The following INTS4 variants were observed in gnomAD, a reference collection of about 807,000 sequenced individuals.
The protein encoded by INTS4 is MSTP093.
Under a neutral mutation model 119.5 loss-of-function variants are expected in INTS4, and 70 were observed. That is an observed-to-expected ratio of 0.59 (90% CI 0.48 to 0.71). The LOEUF (loss-of-function observed/expected upper bound fraction) is 0.71. Ranked by LOEUF, INTS4 falls within the 30% of genes least tolerant of loss-of-function variation. INTS4 has a pLI of 0.00. For synonymous variants in INTS4, 316 were observed against 419.6 expected (o/e 0.75, Z 3.02); for missense variants, 867 against 1,173.2 (o/e 0.74, Z 3.81).
chr11:77,980,931 T>C (rs1856183658), intron 3 of INTS4, among the ~76,000 whole-genome samples: 1 of 151,784 alleles, frequency 6.6e-6, no homozygotes, highest in Admixed American at 6.6e-5. Flanking sequence ...AGGCAGAGCT[T>C]GCAGTGAGCC....
intron 2 of INTS4, among the ~76,000 whole-genome samples, chr11:77,982,814 T>C (rs1295865511): frequency 6.6e-6 from 1 of 152,208 alleles, no homozygotes; most frequent in African/African-American, 2.4e-5. Flanking sequence ...GCTCAAAGGA[T>C]AAGGTGCTTT....
At chr11:77,918,659 C>T (rs1624540) in intron 15 of INTS4, among the ~76,000 whole-genome samples, 162 bp downstream of exon 15, 58,446 of 151,460 alleles carry the variant, frequency 0.39, 11,379 homozygotes, top group African/African-American at 0.43. Context: ...AAAATATGTT[C>T]AAACCACAAT....
chr11:77,966,652 T>C lies in INTS4; in HGVS notation c.472-5514A>G, dbSNP rs546029304. Among the ~76,000 whole-genome samples the C allele has an allele frequency of 7.9e-5, 12 of 152,320 alleles. No homozygotes were observed. The East Asian group carries it at 1.7e-3, about 22-fold the overall frequency. On this transcript the variant is annotated intron_variant, in intron 4 of 22. Coordinates refer to ENST00000534064, the MANE Select transcript of INTS4 (RefSeq NM_033547.4). ...TTTCTATCCTGTTCCTTTAGTACTG[T>C]TTTTATGCCAGTACCATGTTGTTTT...
Position 77,918,873 on chromosome 11 carries a change from G to C in INTS4, c.1870C>G (p.Leu624Val). ...LQQSLERVYSLQHLDPQGAQE... is the reference protein window; with the variant it reads ...LQQSLERVYSVQHLDPQGAQE... ...GCTCCCTGAGGGTCCAAGTGCTGAAGACTATACACTCTTTCAAGGCTCTGC... is the reference window on the plus strand; with the variant it reads ...GCTCCCTGAGGGTCCAAGTGCTGAACACTATACACTCTTTCAAGGCTCTGC... The change falls in exon 15 of 23, where the codon CTT becomes GTT. Residue 624 changes from leucine (L) to valine (V), a missense_variant. This residue lies in a region of INTS4 where 262 missense variants were observed against 376.0 expected (regional missense o/e 0.70). Coordinates refer to ENST00000534064, the MANE Select transcript of INTS4 (RefSeq NM_033547.4). The C allele has an allele frequency of 6.2e-7, 1 of 1,613,908 alleles. No individual in the cohort carries two copies. The highest frequency in any genetic ancestry group is 8.5e-7 in the Non-Finnish European group (1 of 1,179,864).
At chr11:77,972,395 G>A (rs1158885180) in intron 4 of INTS4, among the ~76,000 whole-genome samples, 1 of 148,784 alleles carries the variant, frequency 6.7e-6, no homozygotes, top group Non-Finnish European at 1.5e-5. Context: ...CACCACACCC[G>A]GCCAATTTCT....
intron 16 of INTS4, among the ~76,000 whole-genome samples, chr11:77,906,904 A>G (rs1790244): frequency 0.39 from 59,637 of 152,046 alleles, 11,959 homozygotes; most frequent in African/African-American, 0.45. Flanking sequence ...AAATTCTGCT[A>G]CAGAAGCTGA....
At chr11:77,961,159 A>AG in intron 4 of INTS4, 21 bp from the exon 5 acceptor site, 1 of 1,531,492 alleles carries the variant, frequency 6.5e-7, no homozygotes. Flanking sequence ...AAAAAAAAAA[A>AG]AGAAAAAAAG....
At chr11:77,888,575 G>C (rs1420843909) in intron 21 of INTS4, among the ~76,000 whole-genome samples, 2 of 152,102 alleles carry the variant, frequency 1.3e-5, no homozygotes, top group Admixed American at 1.3e-4. Flanking sequence ...TTGAGAAATG[G>C]GATCTAATTA....
rs527713839 is a variant in INTS4 at position 77,941,060 on chromosome 11, G to GT, written c.990+119dup. ...ATTTACTAAGATTTTAAATTAAAAT[G>GT]TAATACAGTTATCATGTTAATTTAA... On this transcript the variant is annotated intron_variant, in intron 9 of 22. Coordinates refer to ENST00000534064, the MANE Select transcript of INTS4 (RefSeq NM_033547.4). The GT allele has an allele frequency of 5.3e-4, 717 of 1,360,090 alleles. 1 individual carries two copies. Among genetic ancestry groups the GT allele is most frequent in the African/African-American group, 3.2e-3 (218 of 67,792 alleles). 84.3% of individuals were successfully genotyped at this position (1,360,090 alleles called of 1,614,324 possible).
intron 8 of INTS4, among the ~76,000 whole-genome samples, chr11:77,948,459 C>G (rs902054453): frequency 2.6e-5 from 4 of 151,770 alleles, no homozygotes; most frequent in African/African-American, 9.7e-5. Context: ...CCAGCATGGC[C>G]AACATGTCAA....
At chr11:77,955,800 C>T (rs1430373786) in intron 8 of INTS4, 142 bp downstream of exon 8, 2 of 701,042 alleles carry the variant, frequency 2.9e-6, no homozygotes, top group African/African-American at 1.8e-5. Flanking sequence ...AGCCTATAAT[C>T]CCAGTCTTTT....
intron 10 of INTS4, among the ~76,000 whole-genome samples, chr11:77,933,092 GAACTCAA>G (rs1953695305): frequency 6.6e-6 from 1 of 152,040 alleles, no homozygotes; most frequent in East Asian, 1.9e-4. Flanking sequence ...ATGTACCCCA[GAACTCAA>G]AAGTATAAAA....
intron 21 of INTS4, among the ~76,000 whole-genome samples, chr11:77,886,900 C>T (rs1013234730): frequency 5.8e-4 from 88 of 152,082 alleles, no homozygotes; most frequent in Non-Finnish European, 1.1e-3. Flanking sequence ...TTGAAACCAA[C>T]GAGAACAAAG....
intron 21 of INTS4, among the ~76,000 whole-genome samples, chr11:77,888,632 C>A (rs1217171017): frequency 3.3e-5 from 5 of 152,132 alleles, no homozygotes; most frequent in African/African-American, 1.2e-4. Flanking sequence ...TCAGAGTGAA[C>A]AGGCAACATA....
intron 15 of INTS4, among the ~76,000 whole-genome samples, chr11:77,912,099 C>A (rs1035422564): frequency 5.3e-5 from 8 of 152,114 alleles, no homozygotes; most frequent in African/African-American, 1.2e-4. Context: ...CGGTGGCTCA[C>A]ACCTGTAATC....
At chr11:77,937,158 C>T (rs1439497498) in intron 10 of INTS4, among the ~76,000 whole-genome samples, 2 of 151,170 alleles carry the variant, frequency 1.3e-5, no homozygotes, top group Admixed American at 6.6e-5. Context: ...CTGGGCAAAA[C>T]TCTGTCCCCG....
intron 2 of INTS4, among the ~76,000 whole-genome samples, chr11:77,985,885 G>A (rs1591148542): frequency 1.3e-5 from 2 of 152,284 alleles, no homozygotes; most frequent in African/African-American, 4.8e-5. Context: ...AATCAATCAT[G>A]TGAAATAAGT....
intron 13 of INTS4, 113 bp from the exon 14 acceptor site, chr11:77,921,586 T>C: frequency 1.5e-6 from 1 of 679,074 alleles, no homozygotes; most frequent in Non-Finnish European, 2.7e-6. Context: ...TTTCTAATAA[T>C]CAAAGAAATG....
chr11:77,935,233 G>A (rs1953758817), intron 10 of INTS4, among the ~76,000 whole-genome samples: 1 of 152,160 alleles, frequency 6.6e-6, no homozygotes, highest in Non-Finnish European at 1.5e-5. Flanking sequence ...TCCAGACACT[G>A]GGCATCTGGC....
Sources: gnomAD v4.1 joint callset for allele counts (sites outside exome capture counted in the v4.1 genomes callset) on GRCh38, gnomAD v4.1.1 for gene constraint, gnomAD v4.1.1 regional missense constraint, MANE v1.5 for transcripts, NCBI Gene and HGNC (gene_info 2026-07-23, HGNC 2026-07-21) for gene names.